Variants in PLLP observed in about 807,000 individuals in gnomAD.
PLLP encodes the protein plasmolipin.
Under a neutral mutation model 19.7 loss-of-function variants are expected in PLLP, and 15 were observed. The observed-to-expected ratio is 0.76, with a 90% CI of 0.51 to 1.17. The LOEUF is 1.17. Among genes scored for constraint, PLLP ranks in the 50% most tolerant of loss-of-function variants. PLLP has a pLI of 0.00. For missense variants in PLLP, 255 were observed against 258.3 expected, an observed-to-expected ratio of 0.99 and a Z score of 0.09; for synonymous variants, 111 against 116.3, an observed-to-expected ratio of 0.95 and a Z score of 0.29.
At chr16:57,271,762 C>G (rs1301938770) in intron 1 of PLLP, among the ~76,000 whole-genome samples, 1 of 152,162 alleles carries the variant, frequency 6.6e-6, no homozygotes, top group Non-Finnish European at 1.5e-5. Context: ...GGTCCTCCCT[C>G]CACAGGCCGC....
chr16:57,256,939 T>A lies in PLLP; in HGVS notation c.523A>T (p.Ser175Cys). ...WRGVGSNAAT[S>C]QMAGGYA Reference sequence around the variant, plus strand: ...TAGGCATAGCCGCCAGCCATCTGACTGGTGGCCGCATTGCTGCCTACTCCT... The same window carrying A: ...TAGGCATAGCCGCCAGCCATCTGACAGGTGGCCGCATTGCTGCCTACTCCT... The change falls in exon 4 of 4, where the codon AGT (serine) becomes TGT (cysteine). Residue 175 changes from serine to cysteine, a missense_variant. Physicochemically the swap from Ser to Cys is moderately radical, Grantham distance 112. Coordinates refer to ENST00000219207, the MANE Select transcript of PLLP (RefSeq NM_015993.3). 6.2e-7 allele frequency: 1 copy of A among 1,613,104 alleles called. No homozygotes were observed. The highest frequency in any genetic ancestry group is 8.5e-7 in the Non-Finnish European group (1 of 1,179,264).
chr16:57,284,363 C>G (rs1360355203), intron 1 of PLLP, 43 bp downstream of exon 1: 2 of 1,330,252 alleles, frequency 1.5e-6, no homozygotes, highest in Admixed American at 3.9e-5. Context: ...CTGGCCGGAC[C>G]GGGAGCCCCC....
At chr16:57,269,195 C>T (rs1345494784) in intron 1 of PLLP, among the ~76,000 whole-genome samples, 1 of 152,198 alleles carries the variant, frequency 6.6e-6, no homozygotes, top group Non-Finnish European at 1.5e-5. Context: ...CCGCAGAGGT[C>T]AACACTCCTG....
At chr16:57,267,060 C>G (rs959526742) in intron 1 of PLLP, among the ~76,000 whole-genome samples, 5 of 152,146 alleles carry the variant, frequency 3.3e-5, no homozygotes, top group Admixed American at 3.3e-4. Context: ...AAATGCCCAA[C>G]CAAGAGGCAC....
chr16:57,281,528 T>TTTTTTTTTTTTTTTG (rs1597966887), intron 1 of PLLP, among the ~76,000 whole-genome samples: 1 of 150,438 alleles, frequency 6.6e-6, no homozygotes, highest in Non-Finnish European at 1.5e-5. Context: ...TTTTTTTTTT[T>TTTTTTTTTTTTTTTG]GAGACGGAGT....
At position 57,262,963 on chromosome 16, in the gene PLLP, G is replaced by A. The variant is rs181652246; in HGVS notation, c.136-893C>T. Among the ~76,000 whole-genome samples the A allele has an allele frequency of 9.2e-5, 14 of 152,162 alleles. No individual in the cohort carries two copies. In the East Asian group the frequency reaches 2.3e-3, roughly 25 times the overall value. On this transcript the variant is annotated intron_variant, in intron 1 of 3. Transcript: ENST00000219207. ...ATAATCGTTCCCTTCCCCAGACTGCGAGCTCCACGAGGGCACAGCCGTGGC... is the reference window on the plus strand; with the variant it reads ...ATAATCGTTCCCTTCCCCAGACTGCAAGCTCCACGAGGGCACAGCCGTGGC...
intron 1 of PLLP, among the ~76,000 whole-genome samples, chr16:57,282,053 T>C (rs894075456): frequency 1.3e-5 from 2 of 152,078 alleles, no homozygotes; most frequent in Non-Finnish European, 2.9e-5. Context: ...CAGGGCTGGA[T>C]TGCTGAGGCC....
At chr16:57,258,421 G>A (rs1325114451) in intron 3 of PLLP, 41 bp downstream of exon 3, 1 of 1,598,828 alleles carries the variant, frequency 6.3e-7, no homozygotes, top group South Asian at 1.1e-5. Context: ...CTGGGGCTGA[G>A]ACCCTGCAGA....
chr16:57,266,646 C>A (rs1276411696), intron 1 of PLLP, among the ~76,000 whole-genome samples: 1 of 152,150 alleles, frequency 6.6e-6, no homozygotes, highest in East Asian at 1.9e-4. Flanking sequence ...TATGCCTTCA[C>A]CCCTGGGCCC....
At chr16:57,276,437 C>T (rs1162231996) in intron 1 of PLLP, among the ~76,000 whole-genome samples, 4 of 152,118 alleles carry the variant, frequency 2.6e-5, no homozygotes, top group African/African-American at 7.2e-5. Flanking sequence ...ACTAAAAATA[C>T]AAAAATTAGC....
chr16:57,284,513 T>C lies in PLLP; in HGVS notation c.28A>G (p.Thr10Ala), dbSNP rs1471927779. 1 of 1,400,824 alleles carries C rather than the reference T, an allele frequency of 7.1e-7. No individual in the cohort carries two copies. The highest frequency in any genetic ancestry group is 9.4e-7 in the Non-Finnish European group (1 of 1,066,616). 86.8% of individuals were successfully genotyped at this position (1,400,824 alleles called of 1,614,324 possible). A position where few individuals can be genotyped will look rare whatever the true frequency, so the allele number is the denominator to read the frequency against. Residue 10 changes from threonine to alanine, a missense_variant, in exon 1 of 4, where the codon ACG becomes GCG. By Grantham distance (58) the Thr-to-Ala change is moderately conservative. Transcript: ENST00000219207. MAEFPSKVS[T>A]RTSSPAQGAE... ...CCCTGCGCAGGACTGCTGGTCCGCG[T>C]GCTAACTTTCGACGGGAACTCGGCC...
At chr16:57,277,658 T>G (rs1901169831) in intron 1 of PLLP, among the ~76,000 whole-genome samples, 1 of 152,142 alleles carries the variant, frequency 6.6e-6, no homozygotes. Context: ...TGGACACAGC[T>G]TGCTGTGCAC....
intron 1 of PLLP, among the ~76,000 whole-genome samples, chr16:57,277,419 G>C (rs1184878789): frequency 2.0e-5 from 3 of 152,082 alleles, no homozygotes; most frequent in Non-Finnish European, 4.4e-5. Context: ...GTGAAACCCT[G>C]TCTCCACTAA....
At chr16:57,263,586 A>C (rs1245253202) in intron 1 of PLLP, among the ~76,000 whole-genome samples, 1 of 152,088 alleles carries the variant, frequency 6.6e-6, no homozygotes, top group African/African-American at 2.4e-5. Context: ...TCTCTGCGGC[A>C]GGTTTGTCGA....
intron 1 of PLLP, among the ~76,000 whole-genome samples, chr16:57,278,656 G>A (rs1901182954): frequency 6.6e-6 from 1 of 152,192 alleles, no homozygotes; most frequent in Non-Finnish European, 1.5e-5. Context: ...CTGTGCAGTG[G>A]AGCTGGGTTG....
Position 57,256,194 on chromosome 16 carries a change from T to G in PLLP, c.*719A>C, listed in dbSNP as rs765694565. On this transcript the variant is annotated 3_prime_UTR_variant, in exon 4 of 4. Coordinates refer to ENST00000219207, the MANE Select transcript of PLLP (RefSeq NM_015993.3). ...CAAGGCCTTGCTTCCCTCCCTCCTT[T>G]GCGTCCCATGTGCCTAGTCAGCAAG... 3.8e-5 allele frequency: 15 copies of G among 395,474 alleles called. No individual in the cohort carries two copies. Among genetic ancestry groups the G allele is most frequent in the Non-Finnish European group, 6.2e-5 (14 of 224,716 alleles). 24.5% of individuals were successfully genotyped at this position (395,474 alleles called of 1,614,324 possible). A position where few individuals can be genotyped will look rare whatever the true frequency, so the allele number is the denominator to read the frequency against.
chr16:57,279,797 C>T (rs934944238), intron 1 of PLLP, among the ~76,000 whole-genome samples: 1 of 152,208 alleles, frequency 6.6e-6, no homozygotes, highest in African/African-American at 2.4e-5. Context: ...CTCAGCCTCC[C>T]AAGTAGCTGG....
At chr16:57,258,669 C>T in intron 2 of PLLP, 85 bp from the exon 3 acceptor site, 2 of 1,392,558 alleles carry the variant, frequency 1.4e-6, no homozygotes, top group Admixed American at 3.4e-5. Flanking sequence ...CACCTGTAAT[C>T]CCAGCACTTT....
chr16:57,262,702 G>A (rs2075445737), intron 1 of PLLP, among the ~76,000 whole-genome samples: 1 of 152,092 alleles, frequency 6.6e-6, no homozygotes, highest in African/African-American at 2.4e-5. Flanking sequence ...GCCACTGCAT[G>A]CCAACCTCAG....
Sources: gnomAD v4.1 joint callset for allele counts (sites outside exome capture counted in the v4.1 genomes callset) on GRCh38, gnomAD v4.1.1 for gene constraint, MANE v1.5 for transcripts, NCBI Gene and HGNC (gene_info 2026-07-23, HGNC 2026-07-21) for gene names.